Variants in CACNB2 observed in about 807,000 individuals in gnomAD.
CACNB2 encodes the protein voltage-dependent L-type calcium channel subunit beta-2.
Under a neutral mutation model 73.3 loss-of-function variants are expected in CACNB2, and 42 were observed. The observed-to-expected ratio is 0.57, with a 90% CI of 0.45 to 0.74. CACNB2 has a LOEUF of 0.74. Among genes scored for constraint, CACNB2 ranks in the 30% least tolerant of loss-of-function variants. The probability of loss-of-function intolerance (pLI) is 0.00; values close to 1 mark genes in which losing one functional copy is unlikely to be tolerated. For missense variants in CACNB2, 940 were observed against 853.0 expected (o/e 1.10, Z -1.27); for synonymous variants, 348 against 310.3 (o/e 1.12, Z -1.28).
intron 2 of CACNB2, among the ~76,000 whole-genome samples, chr10:18,189,817 C>T (rs771045037): frequency 6.6e-6 from 1 of 152,210 alleles, no homozygotes; most frequent in Middle Eastern, 3.4e-3. Context: ...ATCACCACTG[C>T]GTTTTCCATC....
rs56255761 is a variant in CACNB2 at position 18,448,479 on chromosome 10, T to TAAAA, written c.333+46455_333+46458dup. On this transcript the variant is annotated intron_variant, in intron 3 of 13. Coordinates refer to ENST00000324631, the MANE Select transcript of CACNB2 (RefSeq NM_201596.3). ...GACAAGAGCAAAACTCTCTCTCATT[T>TAAAA]AAAAAAAAAAAAAAAAAAAAAAGAA... Among the ~76,000 whole-genome samples the TAAAA allele has an allele frequency of 6.6e-4, 71 of 106,958 alleles. 2 individuals carry two copies. The highest frequency in any genetic ancestry group is 6.0e-3 in the South Asian group (16 of 2,656). 70.2% of individuals were successfully genotyped at this position (106,958 alleles called of 152,430 possible). A position where few individuals can be genotyped will look rare whatever the true frequency, so the allele number is the denominator to read the frequency against.
rs1564358673 is a variant in CACNB2, at chr10:18,225,576, CGCT to C, written c.213+74602_213+74604del. Among the ~76,000 whole-genome samples, 62 of 59,550 alleles carry C rather than the reference CGCT, an allele frequency of 1.0e-3. 1 individual carries two copies. The highest frequency in any genetic ancestry group is 2.7e-3 in the African/African-American group (52 of 19,376). The allele number at this position is 59,550 out of a possible 152,430, so 39.1% of individuals were successfully genotyped here. ...CTTTTCCCTCCCTCCCTCCCTCCCT[CGCT>C]CCTTCCTTCCTTCCTTCCTTCCTTT... On this transcript the variant is annotated intron_variant, in intron 2 of 13. Coordinates refer to ENST00000324631, the MANE Select transcript of CACNB2 (RefSeq NM_201596.3).
chr10:18,255,220 C>T (rs79681558), intron 2 of CACNB2, among the ~76,000 whole-genome samples: 1 of 152,014 alleles, frequency 6.6e-6, no homozygotes, highest in Non-Finnish European at 1.5e-5. Context: ...AATCACCTGC[C>T]TCTCTAACCT....
At chr10:18,380,751 C>G (rs1020013286) in intron 2 of CACNB2, among the ~76,000 whole-genome samples, 1 of 151,760 alleles carries the variant, frequency 6.6e-6, no homozygotes, top group South Asian at 2.1e-4. Flanking sequence ...CACCACGCCC[C>G]GCCAAAACAT....
chr10:18,454,758 G>T (rs375712430), intron 3 of CACNB2, among the ~76,000 whole-genome samples: 20 of 152,182 alleles, frequency 1.3e-4, no homozygotes, highest in African/African-American at 4.3e-4. Context: ...GTGTGATATC[G>T]ATGGATACTG....
chr10:18,357,111 A>AT (rs766475056), intron 2 of CACNB2, among the ~76,000 whole-genome samples: 106 of 148,872 alleles, frequency 7.1e-4, no homozygotes, highest in Non-Finnish European at 1.3e-3. Flanking sequence ...TGCCCGGCTA[A>AT]TTTTTGTATT....
At chr10:18,202,117 A>G (rs1216558967) in intron 2 of CACNB2, among the ~76,000 whole-genome samples, 1 of 152,218 alleles carries the variant, frequency 6.6e-6, no homozygotes, top group East Asian at 1.9e-4. Flanking sequence ...GAGAGGGAAG[A>G]GTACATGCTT....
At chr10:18,486,550 C>A (rs573106599) in intron 3 of CACNB2, among the ~76,000 whole-genome samples, 1 of 152,302 alleles carries the variant, frequency 6.6e-6, no homozygotes, top group African/African-American at 2.4e-5. Flanking sequence ...ATAGAGTTTC[C>A]TTTGGATGTG....
chr10:18,491,305 AG>A (rs2049408102), intron 3 of CACNB2, among the ~76,000 whole-genome samples: 1 of 152,206 alleles, frequency 6.6e-6, no homozygotes, highest in Admixed American at 6.5e-5. Flanking sequence ...CTGGTAGGGC[AG>A]GGTGTGGTGG....
At chr10:18,430,081 C>A (rs1170329587) in intron 3 of CACNB2, among the ~76,000 whole-genome samples, 1 of 150,960 alleles carries the variant, frequency 6.6e-6, no homozygotes, top group Non-Finnish European at 1.5e-5. Flanking sequence ...TTGGTATAAT[C>A]TTCTATTTAT....
intron 2 of CACNB2, among the ~76,000 whole-genome samples, chr10:18,246,971 T>G (rs1034730123): frequency 3.4e-4 from 51 of 152,122 alleles, no homozygotes; most frequent in Admixed American, 3.3e-3. Context: ...TTGCCTGCCT[T>G]GCATACCCCG....
intron 3 of CACNB2, among the ~76,000 whole-genome samples, chr10:18,486,799 A>G (rs2132894373): frequency 6.6e-6 from 1 of 152,326 alleles, no homozygotes; most frequent in Non-Finnish European, 1.5e-5. Context: ...TTTCTGGACC[A>G]TCCTTTTGGG....
chr10:18,336,157 C>G (rs1312279619), intron 2 of CACNB2, among the ~76,000 whole-genome samples: 1 of 152,118 alleles, frequency 6.6e-6, no homozygotes, highest in East Asian at 1.9e-4. Flanking sequence ...AGATTGAATA[C>G]AGGCCAAATT....
At chr10:18,457,693 C>T (rs2047354809) in intron 3 of CACNB2, among the ~76,000 whole-genome samples, 1 of 152,014 alleles carries the variant, frequency 6.6e-6, no homozygotes, top group African/African-American at 2.4e-5. Flanking sequence ...GAGTTCAAGA[C>T]CAGCCTGACC....
chr10:18,170,546 A>T (rs573769388), intron 2 of CACNB2, among the ~76,000 whole-genome samples: 4 of 152,334 alleles, frequency 2.6e-5, no homozygotes, highest in Admixed American at 2.6e-4. Flanking sequence ...AGTCATGTGT[A>T]CTGCCTCTAT....
chr10:18,487,770 G>A (rs1447972492), intron 3 of CACNB2, among the ~76,000 whole-genome samples: 7 of 151,560 alleles, frequency 4.6e-5, no homozygotes, highest in Non-Finnish European at 2.9e-5. Flanking sequence ...ACGAGGCAGA[G>A]GTTGCAGTGA....
At position 18,475,098 on chromosome 10, in the gene CACNB2, A is replaced by G. The variant is rs181350162; in HGVS notation, c.334-23257A>G. Among the ~76,000 whole-genome samples the G allele has an allele frequency of 1.7e-3, 250 of 150,988 alleles. 1 individual carries two copies. The highest frequency in any genetic ancestry group is 3.2e-3 in the Non-Finnish European group (214 of 67,850). ...TTATTATAAGAGGATACAACTCAGG[A>G]ACAGCCAGAGGAGAGAGGGATGGGA... On this transcript the variant is annotated intron_variant, in intron 3 of 13. Coordinates refer to ENST00000324631, the MANE Select transcript of CACNB2 (RefSeq NM_201596.3).
rs1392255312 is a variant in CACNB2 at position 18,214,395 on chromosome 10, G to T, written c.213+63420G>T. ...AATCGCAGCACTTTGAGAGGCCGAG[G>T]CAGGAGTATCACTTGAGGTCAGAAG... is the stretch of plus-strand genomic sequence containing the variant. On this transcript the variant is annotated intron_variant, in intron 2 of 13. Transcript: ENST00000324631. Among the ~76,000 whole-genome samples, 4 of 74,560 alleles carry T rather than the reference G, an allele frequency of 5.4e-5. 2 individuals are homozygous for T. Among genetic ancestry groups the T allele is most frequent in the African/African-American group, 1.2e-4 (4 of 32,032 alleles). 48.9% of individuals were successfully genotyped at this position (74,560 alleles called of 152,430 possible).
chr10:18,534,254 T>C, intron 11 of CACNB2, 27 bp downstream of exon 11: 1 of 1,588,858 alleles, frequency 6.3e-7, no homozygotes, highest in Non-Finnish European at 8.6e-7. Context: ...CTGTTTGCTC[T>C]ATAATCAAAC....
Sources: gnomAD v4.1 joint callset for allele counts (sites outside exome capture counted in the v4.1 genomes callset) on GRCh38, gnomAD v4.1.1 for gene constraint, MANE v1.5 for transcripts, NCBI Gene and HGNC (gene_info 2026-07-23, HGNC 2026-07-21) for gene names.